SNRPA: variants seen among roughly 807,000 people sequenced by gnomAD.
SNRPA encodes the protein U1 small nuclear ribonucleoprotein A.
In SNRPA, 10 loss-of-function variants were observed where a neutral mutation model predicts 24.5. That is an observed-to-expected ratio of 0.41 (90% CI 0.25 to 0.69). The LOEUF (loss-of-function observed/expected upper bound fraction) is 0.69, where lower values mean the gene tolerates loss of function less well. SNRPA is among the 30% of genes least tolerant of loss of function. SNRPA has a pLI of 0.33. For synonymous variants in SNRPA, 165 were observed against 148.4 expected, an observed-to-expected ratio of 1.11 and a Z score of -0.81; for missense variants, 283 against 394.7, an observed-to-expected ratio of 0.72 and a Z score of 2.40.
rs192645634 is a variant in SNRPA, at chr19:40,763,578, C to T, written c.601-9C>T. The T allele has an allele frequency of 3.1e-6, 5 of 1,613,526 alleles. No homozygotes were observed. In the Admixed American group the frequency reaches 5.0e-5, roughly 16 times the overall value. On this transcript the variant is annotated splice_polypyrimidine_tract_variant and intron_variant, in intron 4 of 5. Coordinates refer to ENST00000243563, the MANE Select transcript of SNRPA (RefSeq NM_004596.5). Reference sequence around the variant, plus strand: ...TCTTGTGCTCACCGACTCCCCTATACCCCCGCAGCTTTCTGAGAATCCACC... The same window carrying T: ...TCTTGTGCTCACCGACTCCCCTATATCCCCGCAGCTTTCTGAGAATCCACC...
intron 1 of SNRPA, among the ~76,000 whole-genome samples, chr19:40,756,694 CAAGTT>C (rs1231254787): frequency 6.6e-6 from 1 of 151,578 alleles, no homozygotes; most frequent in African/African-American, 2.4e-5. Context: ...GCAAGATAGA[CAAGTT>C]AACGTACCAT....
chr19:40,751,539 C>G, intron 1 of SNRPA, 58 bp downstream of exon 1: 2 of 1,213,242 alleles, frequency 1.6e-6, no homozygotes, highest in Non-Finnish European at 2.4e-6. Flanking sequence ...GCCCCTCTTC[C>G]GTCCCCTGCA....
intron 5 of SNRPA, 95 bp downstream of exon 5, chr19:40,763,770 G>A: frequency 9.6e-7 from 1 of 1,036,416 alleles, no homozygotes; most frequent in Non-Finnish European, 1.5e-6. Flanking sequence ...GCAGAGCTCT[G>A]AGCCAAGTAG....
At position 40,751,414 on chromosome 19, in the gene SNRPA, A is replaced by C. The variant is rs1228107641; in HGVS notation, c.6A>C (p.Ala2=). Residue 2 remains alanine, a synonymous_variant, in exon 1 of 6, where the codon GCA becomes GCC. Coordinates refer to ENST00000243563, the MANE Select transcript of SNRPA (RefSeq NM_004596.5). The part of the protein sequence containing the change: M[A]VPETRPNHTI... ...TTACCTCAACACTTCACTCCATGGC[A>C]GTTCCCGAGACCCGCCCTAACCACA... is the stretch of plus-strand genomic sequence containing the variant. 6.2e-7 allele frequency: 1 copy of C among 1,611,880 alleles called. No individual in the cohort carries two copies. Among genetic ancestry groups the C allele is most frequent in the Non-Finnish European group, 8.5e-7 (1 of 1,178,018 alleles).
In SNRPA at chr19:40,757,498, A is replaced by G. The variant is rs2230694; in HGVS notation, c.240A>G (p.Lys80=). The change falls in exon 2 of 6, where the codon AAA becomes AAG. Residue 80 remains lysine, a synonymous_variant. Coordinates refer to ENST00000243563, the MANE Select transcript of SNRPA (RefSeq NM_004596.5). The part of the protein sequence containing the change: ...RSMQGFPFYD[K]PMRIQYAKTD... ...TGCAGGGTTTCCCTTTCTATGACAAACCTATGGTGAGCATTGCGGGTACGG... is the reference window on the plus strand; with the variant it reads ...TGCAGGGTTTCCCTTTCTATGACAAGCCTATGGTGAGCATTGCGGGTACGG... 145,960 of 1,609,030 alleles carry G rather than the reference A, an allele frequency of 0.091. 9,783 individuals carry two copies. Among genetic ancestry groups the G allele is most frequent in the African/African-American group, 0.35 (25,890 of 74,488 alleles).
At chr19:40,753,014 G>A (rs941233652) in intron 1 of SNRPA, among the ~76,000 whole-genome samples, 7 of 152,218 alleles carry the variant, frequency 4.6e-5, no homozygotes, top group African/African-American at 1.4e-4. Context: ...AACCGAAGGA[G>A]CTTGTTGGGA....
chr19:40,762,648 G>A (rs1419970394), intron 3 of SNRPA, among the ~76,000 whole-genome samples: 2 of 152,100 alleles, frequency 1.3e-5, no homozygotes, highest in Non-Finnish European at 2.9e-5. Flanking sequence ...AGAGCTCACT[G>A]CATGCAGTCT....
At chr19:40,763,503 G>A in intron 4 of SNRPA, 84 bp from the exon 5 acceptor site, 1 of 1,024,924 alleles carries the variant, frequency 9.8e-7, no homozygotes. Context: ...CAAGCAGGGT[G>A]AGGGATGGAG....
intron 5 of SNRPA, 76 bp downstream of exon 5, chr19:40,763,751 A>G: frequency 1.6e-6 from 2 of 1,217,812 alleles, no homozygotes; most frequent in Non-Finnish European, 2.4e-6. Context: ...AGGCCTCAGA[A>G]CTCTGCCAGC....
rs201358825 is a variant in SNRPA at position 40,763,583 on chromosome 19, G to T, written c.601-4G>T. ...TGCTCACCGACTCCCCTATACCCCC[G>T]CAGCTTTCTGAGAATCCACCGAATC... On this transcript the variant is annotated splice_polypyrimidine_tract_variant and splice_region_variant and intron_variant, in intron 4 of 5. Coordinates refer to ENST00000243563, the MANE Select transcript of SNRPA (RefSeq NM_004596.5). The T allele has an allele frequency of 6.2e-7, 1 of 1,613,878 alleles. No homozygotes were observed. The highest frequency in any genetic ancestry group is 8.5e-7 in the Non-Finnish European group (1 of 1,179,830).
intron 1 of SNRPA, among the ~76,000 whole-genome samples, chr19:40,753,380 ATATGTTTTTTTT>A (rs2082892609): frequency 4.6e-5 from 4 of 86,466 alleles, no homozygotes; most frequent in African/African-American, 1.9e-4. Flanking sequence ...TAAATTTTGC[ATATGTTTTTTTT>A]TTTTTTTTTT....
chr19:40,752,662 G>A (rs564001564), intron 1 of SNRPA, among the ~76,000 whole-genome samples: 37 of 151,186 alleles, frequency 2.4e-4, no homozygotes, highest in Non-Finnish European at 4.9e-4. Context: ...TGAAGTGGGA[G>A]GATCGCTTGA....
intron 1 of SNRPA, chr19:40,756,911 TG>T (rs1227817947): frequency 5.1e-6 from 1 of 196,654 alleles, no homozygotes; most frequent in African/African-American, 2.4e-5. Flanking sequence ...AAAATTGGTG[TG>T]TCAGACCTGG....
chr19:40,758,302 C>T (rs1342772118), intron 2 of SNRPA, among the ~76,000 whole-genome samples: 1 of 152,114 alleles, frequency 6.6e-6, no homozygotes, highest in Non-Finnish European at 1.5e-5. Flanking sequence ...ACTGAATAAG[C>T]ACCATGAAAG....
chr19:40,755,592 T>G (rs1445312206), intron 1 of SNRPA, among the ~76,000 whole-genome samples: 1 of 152,202 alleles, frequency 6.6e-6, no homozygotes, highest in Non-Finnish European at 1.5e-5. Flanking sequence ...CCCAGACTGG[T>G]CTTGAACTCT....
intron 1 of SNRPA, among the ~76,000 whole-genome samples, chr19:40,755,892 ATCC>A (rs2082906574): frequency 6.6e-6 from 1 of 152,160 alleles, no homozygotes; most frequent in South Asian, 2.1e-4. Flanking sequence ...CCAGTGAGGA[ATCC>A]TCTGAGAACC....
chr19:40,763,823 G>T, intron 5 of SNRPA, 148 bp downstream of exon 5: 1 of 706,430 alleles, frequency 1.4e-6, no homozygotes, highest in Non-Finnish European at 2.5e-6. Context: ...GAAAGGAGGA[G>T]GCTGTGGCTG....
chr19:40,765,255 T>A lies in SNRPA; in HGVS notation c.*88T>A. On this transcript the variant is annotated 3_prime_UTR_variant, in exon 6 of 6. Transcript: ENST00000243563. ...CAGCCCCCTGAAGGTAAGTCCCCCC[T>A]TGGGGGCCTTCTTGGAGCCGTGTGT... is the stretch of plus-strand genomic sequence containing the variant. 3.4e-6 allele frequency: 3 copies of A among 885,498 alleles called. No individual in the cohort carries two copies. Among genetic ancestry groups the A allele is most frequent in the Non-Finnish European group, 4.8e-6 (3 of 624,624 alleles). The allele number at this position is 885,498 out of a possible 1,614,324, so 54.9% of individuals were successfully genotyped here.
At chr19:40,751,834 T>G (rs1340600449) in intron 1 of SNRPA, among the ~76,000 whole-genome samples, 1 of 152,280 alleles carries the variant, frequency 6.6e-6, no homozygotes, top group East Asian at 1.9e-4. Flanking sequence ...CTCCTCCCAG[T>G]GGCCTTTGAA....
Sources: allele counts gnomAD v4.1 joint callset (sites outside exome capture counted in the v4.1 genomes callset), GRCh38; gene constraint gnomAD v4.1.1; transcripts MANE v1.5; gene names NCBI Gene and HGNC (gene_info 2026-07-23, HGNC 2026-07-21).